Variants in APEX1 observed in about 807,000 individuals in gnomAD.
APEX1 encodes the protein DNA repair nuclease/redox regulator APEX1.
APEX1 carries 32 observed loss-of-function variants against 33.2 expected under a neutral mutation model. The ratio of observed to expected loss-of-function variants is 0.96; its 90% CI spans 0.73 to 1.29. The LOEUF (loss-of-function observed/expected upper bound fraction) is 1.29, where lower values mean the gene tolerates loss of function less well. Among genes scored for constraint, APEX1 ranks in the 50% most tolerant of loss-of-function variants. The pLI is 0.00. For missense variants in APEX1, 442 were observed against 395.6 expected (o/e 1.12, Z -0.99); for synonymous variants, 175 against 156.6 (o/e 1.12, Z -0.88).
rs1241889510 is a variant in APEX1 at position 20,457,256 on chromosome 14, A to G, written c.705A>G (p.Gln235=). The G allele has an allele frequency of 6.2e-7, 1 of 1,614,260 alleles. No homozygotes were observed. The highest frequency in any genetic ancestry group is 8.5e-7 in the Non-Finnish European group (1 of 1,180,044). ...GNKKNAGFTP[Q]ERQGFGELLQ... ...AAAAGAATGCTGGCTTCACGCCACA[A>G]GAGCGCCAAGGCTTCGGGGAATTAC... is the stretch of plus-strand genomic sequence containing the variant. The change falls in exon 5 of 5, where the codon CAA becomes CAG. Residue 235 remains glutamine (Q), a synonymous_variant. Coordinates refer to ENST00000216714, the MANE Select transcript of APEX1 (RefSeq NM_001641.4).
At position 20,455,269 on chromosome 14, in the gene APEX1, C is replaced by A. The variant is rs1467179768; in HGVS notation, c.-194C>A. ...AGGAGGAGCTAGGCTGCCATCGGGC[C>A]GGTGCAGATACGGGGTTGCTCTTTT... On this transcript the variant is annotated 5_prime_UTR_variant, in exon 1 of 5. Coordinates refer to ENST00000216714, the MANE Select transcript of APEX1 (RefSeq NM_001641.4). 1.0e-5 allele frequency: 4 copies of A among 395,424 alleles called. No individual in the cohort carries two copies. Among genetic ancestry groups the A allele is most frequent in the Non-Finnish European group, 1.9e-5 (4 of 211,000 alleles). The allele number at this position is 395,424 out of a possible 1,614,324, so 24.5% of individuals were successfully genotyped here.
In APEX1 at chr14:20,456,668, T is replaced by C. The variant is rs1369899922; in HGVS notation, c.247T>C (p.Trp83Arg). 1 of 1,613,588 alleles carries C rather than the reference T, an allele frequency of 6.2e-7. No individual in the cohort carries two copies. The highest frequency in any genetic ancestry group is 8.5e-7 in the Non-Finnish European group (1 of 1,179,534). ...RAWIKKKGLD[W>R]VKEEAPDILC... ...TTTCCACCTTTCTTTTCACTTACAGTGGGTAAAGGAAGAAGCCCCAGATAT... is the reference window on the plus strand; with the variant it reads ...TTTCCACCTTTCTTTTCACTTACAGCGGGTAAAGGAAGAAGCCCCAGATAT... Residue 83 changes from tryptophan (W) to arginine (R), a missense_variant and splice_region_variant, in exon 4 of 5, where the codon TGG (tryptophan) becomes CGG (arginine). By Grantham distance (101) the Trp-to-Arg change is moderately radical (BLOSUM62 -3). Coordinates refer to ENST00000216714, the MANE Select transcript of APEX1 (RefSeq NM_001641.4).
rs775510655 is a variant in APEX1 at position 20,456,003 on chromosome 14, G to A, written c.148G>A (p.Asp50Asn). 1 of 1,614,070 alleles carries A rather than the reference G, an allele frequency of 6.2e-7. No homozygotes were observed. The highest frequency in any genetic ancestry group is 1.7e-5 in the Admixed American group (1 of 60,004). ...EGPALYEDPPDQKTSPSGKPA... is the reference protein window; with the variant it reads ...EGPALYEDPPNQKTSPSGKPA... ...CCCAGCCCTGTATGAGGACCCCCCA[G>A]ATCAGAAAACCTCACCCAGTGGCAA... Residue 50 changes from aspartate (D) to asparagine (N), a missense_variant, in exon 3 of 5, where the codon GAT becomes AAT. Physicochemically the swap from Asp to Asn is conservative, Grantham distance 23 (BLOSUM62 1). Transcript: ENST00000216714.
At position 20,456,750 on chromosome 14, in the gene APEX1, A is replaced by G. The variant is rs200702900; in HGVS notation, c.329A>G (p.Glu110Gly). 2 of 1,614,260 alleles carry G rather than the reference A, an allele frequency of 1.2e-6. No individual in the cohort carries two copies. The highest frequency in any genetic ancestry group is 2.2e-5 in the East Asian group (1 of 44,886). Residue 110 changes from glutamate to glycine, a missense_variant, in exon 4 of 5, where the codon GAG (glutamate) becomes GGG (glycine). Physicochemically the swap from Glu to Gly is moderately conservative, Grantham distance 98. Coordinates refer to ENST00000216714, the MANE Select transcript of APEX1 (RefSeq NM_001641.4). ...SENKLPAELQ[E>G]LPGLSHQYWS... Reference sequence around the variant, plus strand: ...AACAAACTACCAGCTGAACTTCAGGAGCTGCCTGGACTCTCTCATCAATAC... The same window carrying G: ...AACAAACTACCAGCTGAACTTCAGGGGCTGCCTGGACTCTCTCATCAATAC...
At position 20,457,170 on chromosome 14, in the gene APEX1, C is replaced by T. The variant is rs1566514734; in HGVS notation, c.619C>T (p.Leu207=). 1.2e-6 allele frequency: 2 copies of T among 1,614,184 alleles called. No homozygotes were observed. Among genetic ancestry groups the T allele is most frequent in the Admixed American group, 1.7e-5 (1 of 60,020 alleles). Residue 207 remains leucine, a synonymous_variant, in exon 5 of 5, where the codon CTG becomes TTG. Coordinates refer to ENST00000216714, the MANE Select transcript of APEX1 (RefSeq NM_001641.4). ...KGLASRKPLV[L]CGDLNVAHEE... is the part of the protein sequence containing the mutation. ...CCTGGCTTCCCGAAAGCCCCTTGTG[C>T]TGTGTGGAGACCTCAATGTGGCACA...
chr14:20,456,933 C>G (rs1881406871), intron 4 of APEX1, 58 bp from the exon 5 acceptor site: 7 of 1,603,206 alleles, frequency 4.4e-6, no homozygotes, highest in Admixed American at 3.5e-5. Flanking sequence ...TGCCCCACCT[C>G]TTGATTGCTT....
At position 20,457,123 on chromosome 14, in the gene APEX1, C is replaced by A; in HGVS notation, c.572C>A (p.Ala191Asp). The A allele has an allele frequency of 1.9e-6, 3 of 1,614,202 alleles. No homozygotes were observed. The highest frequency in any genetic ancestry group is 1.1e-5 in the South Asian group (1 of 91,086). The stretch of plus-strand genomic sequence containing the variant: ...GAGTACCGGCAGCGCTGGGATGAAG[C>A]CTTTCGCAAGTTCCTGAAGGGCCTG... ...RLEYRQRWDE[A>D]FRKFLKGLAS... Residue 191 changes from alanine to aspartate, a missense_variant, in exon 5 of 5, where the codon GCC (alanine) becomes GAC (aspartate). By Grantham distance (126) the Ala-to-Asp change is moderately radical (BLOSUM62 -2). Coordinates refer to ENST00000216714, the MANE Select transcript of APEX1 (RefSeq NM_001641.4).
At chr14:20,456,409 G>C (rs1389156730) in intron 3 of APEX1, among the ~76,000 whole-genome samples, 2 of 152,010 alleles carry the variant, frequency 1.3e-5, no homozygotes, top group Non-Finnish European at 2.9e-5. Context: ...ATTAACCATA[G>C]CTTAAAAATC....
chr14:20,457,103 C>T lies in APEX1; in HGVS notation c.552C>T (p.Tyr184=). ...GCCGAGGTCTGGTACGACTGGAGTACCGGCAGCGCTGGGATGAAGCCTTTC... is the reference window on the plus strand; with the variant it reads ...GCCGAGGTCTGGTACGACTGGAGTATCGGCAGCGCTGGGATGAAGCCTTTC... ...NAGRGLVRLE[Y]RQRWDEAFRK... The change falls in exon 5 of 5, where the codon TAC becomes TAT. Residue 184 remains tyrosine, a synonymous_variant. Transcript: ENST00000216714. The T allele has an allele frequency of 6.2e-7, 1 of 1,614,180 alleles. No individual in the cohort carries two copies. The highest frequency in any genetic ancestry group is 8.5e-7 in the Non-Finnish European group (1 of 1,180,040).
Position 20,456,247 on chromosome 14 carries a change from G to T in APEX1, c.246+146G>T, listed in dbSNP as rs1021405314. ...TGGGGCTTCCCCAGTCTTGCCAGTT[G>T]TATTTCCTAAATGTCTGTTCCTTCA... On this transcript the variant is annotated intron_variant, in intron 3 of 4. Transcript: ENST00000216714. 6 of 917,392 alleles carry T rather than the reference G, an allele frequency of 6.5e-6. No individual in the cohort carries two copies. In the Admixed American group the frequency reaches 6.6e-5, roughly 10 times the overall value. 56.8% of individuals were successfully genotyped at this position (917,392 alleles called of 1,614,324 possible). A position where few individuals can be genotyped will look rare whatever the true frequency, so the allele number is the denominator to read the frequency against.
At position 20,457,341 on chromosome 14, in the gene APEX1, T is replaced by A. The variant is rs1555332452; in HGVS notation, c.790T>A (p.Tyr264Asn). 6.2e-7 allele frequency: 1 copy of A among 1,614,252 alleles called. No individual in the cohort carries two copies. Among genetic ancestry groups the A allele is most frequent in the Non-Finnish European group, 8.5e-7 (1 of 1,180,042 alleles). Reference protein sequence around the residue: ...RHLYPNTPYAYTFWTYMMNAR... With the variant: ...RHLYPNTPYANTFWTYMMNAR... The stretch of plus-strand genomic sequence containing the variant: ...CCTCTACCCCAACACACCCTATGCC[T>A]ACACCTTTTGGACTTATATGATGAA... The change falls in exon 5 of 5, where the codon TAC becomes AAC. Residue 264 changes from tyrosine (Y) to asparagine (N), a missense_variant. By Grantham distance (143) the Tyr-to-Asn change is moderately radical. Transcript: ENST00000216714.
At position 20,457,092 on chromosome 14, in the gene APEX1, C is replaced by G; in HGVS notation, c.541C>G (p.Arg181Gly). 1 of 1,614,166 alleles carries G rather than the reference C, an allele frequency of 6.2e-7. No homozygotes were observed. The highest frequency in any genetic ancestry group is 8.5e-7 in the Non-Finnish European group (1 of 1,180,020). The change falls in exon 5 of 5, where the codon CGA (arginine) becomes GGA (glycine). Residue 181 changes from arginine to glycine, a missense_variant. Transcript: ENST00000216714. ...YVPNAGRGLVRLEYRQRWDEA... is the reference protein window; with the variant it reads ...YVPNAGRGLVGLEYRQRWDEA... ...ACCTAATGCAGGCCGAGGTCTGGTA[C>G]GACTGGAGTACCGGCAGCGCTGGGA...
rs566098919 is a variant in APEX1, at chr14:20,457,466, C to T, written c.915C>T (p.Leu305=). ...LCDSKIRSKA[L]GSDHCPITLY... is the part of the protein sequence containing the mutation. ...ACAGCAAGATCCGTTCCAAGGCCCT[C>T]GGCAGTGATCACTGTCCTATCACCC... The change falls in exon 5 of 5, where the codon CTC becomes CTT. Residue 305 remains leucine, a synonymous_variant. Coordinates refer to ENST00000216714, the MANE Select transcript of APEX1 (RefSeq NM_001641.4). The T allele has an allele frequency of 6.7e-5, 108 of 1,614,192 alleles. No individual in the cohort carries two copies. In the South Asian group the frequency reaches 8.1e-4, roughly 12 times the overall value.
Position 20,456,687 on chromosome 14 carries a change from C to A in APEX1, c.266C>A (p.Pro89Gln). ...KGLDWVKEEA[P>Q]DILCLQETKC... is the part of the protein sequence containing the mutation. ...TTACAGTGGGTAAAGGAAGAAGCCC[C>A]AGATATACTGTGCCTTCAAGAGACC... The change falls in exon 4 of 5, where the codon CCA becomes CAA. Residue 89 changes from proline to glutamine, a missense_variant. Transcript: ENST00000216714. 1 of 1,614,168 alleles carries A rather than the reference C, an allele frequency of 6.2e-7. No homozygotes were observed. The highest frequency in any genetic ancestry group is 8.5e-7 in the Non-Finnish European group (1 of 1,180,016).
In APEX1 at chr14:20,456,724, G is replaced by C; in HGVS notation, c.303G>C (p.Glu101Asp). 4.3e-6 allele frequency: 7 copies of C among 1,614,210 alleles called. No individual in the cohort carries two copies. The highest frequency in any genetic ancestry group is 5.9e-6 in the Non-Finnish European group (7 of 1,180,014). The change falls in exon 4 of 5, where the codon GAG becomes GAC. Residue 101 changes from glutamate (E) to aspartate (D), a missense_variant. Glu to Asp is a conservative substitution (Grantham distance 45). Transcript: ENST00000216714. ...GCCTTCAAGAGACCAAATGTTCAGA[G>C]AACAAACTACCAGCTGAACTTCAGG... ...ILCLQETKCS[E>D]NKLPAELQEL...
Position 20,456,680 on chromosome 14 carries a change from G to C in APEX1, c.259G>C (p.Glu87Gln), listed in dbSNP as rs762384959. 1.2e-6 allele frequency: 2 copies of C among 1,614,152 alleles called. No individual in the cohort carries two copies. The highest frequency in any genetic ancestry group is 2.2e-5 in the South Asian group (2 of 91,086). ...TTTTCACTTACAGTGGGTAAAGGAA[G>C]AAGCCCCAGATATACTGTGCCTTCA... The part of the protein sequence containing the change: ...KKKGLDWVKE[E>Q]APDILCLQET... The change falls in exon 4 of 5, where the codon GAA becomes CAA. Residue 87 changes from glutamate (E) to glutamine (Q), a missense_variant. Physicochemically the swap from Glu to Gln is conservative, Grantham distance 29. Transcript: ENST00000216714.
chr14:20,456,164 C>T (rs1881332324), intron 3 of APEX1, 63 bp downstream of exon 3: 1 of 1,567,272 alleles, frequency 6.4e-7, no homozygotes. Flanking sequence ...GTTTAGTCAC[C>T]CCTTTTCTCC....
rs535917271 is a variant in APEX1, at chr14:20,455,265, G to C, written c.-198G>C. 9 of 387,786 alleles carry C rather than the reference G, an allele frequency of 2.3e-5. No individual in the cohort carries two copies. Among genetic ancestry groups the C allele is most frequent in the Non-Finnish European group, 3.9e-5 (8 of 206,674 alleles). 24.0% of individuals were successfully genotyped at this position (387,786 alleles called of 1,614,324 possible). On this transcript the variant is annotated 5_prime_UTR_variant, in exon 1 of 5. Coordinates refer to ENST00000216714, the MANE Select transcript of APEX1 (RefSeq NM_001641.4). Reference sequence around the variant, plus strand: ...GGTTAGGAGGAGCTAGGCTGCCATCGGGCCGGTGCAGATACGGGGTTGCTC... The same window carrying C: ...GGTTAGGAGGAGCTAGGCTGCCATCCGGCCGGTGCAGATACGGGGTTGCTC...
chr14:20,457,355 T>C lies in APEX1; in HGVS notation c.804T>C (p.Thr268=). ...CACCCTATGCCTACACCTTTTGGACTTATATGATGAATGCTCGATCCAAGA... is the reference window on the plus strand; with the variant it reads ...CACCCTATGCCTACACCTTTTGGACCTATATGATGAATGCTCGATCCAAGA... The part of the protein sequence containing the change: ...PNTPYAYTFW[T]YMMNARSKNV... The change falls in exon 5 of 5, where the codon ACT becomes ACC. Residue 268 remains threonine, a synonymous_variant. Transcript: ENST00000216714. The C allele has an allele frequency of 6.2e-7, 1 of 1,614,266 alleles. No homozygotes were observed. Among genetic ancestry groups the C allele is most frequent in the South Asian group, 1.1e-5 (1 of 91,090 alleles).
Sources: allele counts gnomAD v4.1 joint callset (sites outside exome capture counted in the v4.1 genomes callset), GRCh38; gene constraint gnomAD v4.1.1; transcripts MANE v1.5; gene names NCBI Gene and HGNC (gene_info 2026-07-23, HGNC 2026-07-21).